Variants in HOMER2 observed in about 807,000 individuals in gnomAD.
HOMER2 encodes homer scaffold protein 2.
Under a neutral mutation model 47.0 loss-of-function variants are expected in HOMER2, and 27 were observed. The ratio of observed to expected loss-of-function variants is 0.57; its 90% CI spans 0.42 to 0.79. The LOEUF (loss-of-function observed/expected upper bound fraction) is 0.79. Ranked by LOEUF, HOMER2 falls within the 30% of genes least tolerant of loss-of-function variation. The pLI is 0.00. For synonymous variants in HOMER2, 161 were observed against 163.8 expected (o/e 0.98, Z 0.13); for missense variants, 443 against 435.0 (o/e 1.02, Z -0.16).
At chr15:82,947,058 A>T (rs772472889) in intron 1 of HOMER2, among the ~76,000 whole-genome samples, 3 of 152,254 alleles carry the variant, frequency 2.0e-5, no homozygotes, top group Non-Finnish European at 2.9e-5. Context: ...AAGGGCAGGA[A>T]CTAACTAGTG....
intron 1 of HOMER2, among the ~76,000 whole-genome samples, chr15:82,951,088 T>C (rs1447306741): frequency 6.6e-6 from 1 of 152,180 alleles, no homozygotes; most frequent in Non-Finnish European, 1.5e-5. Flanking sequence ...TGCTCAAAGA[T>C]CAGCCTTTTC....
chr15:82,980,094 A>G (rs2030341365), intron 1 of HOMER2, among the ~76,000 whole-genome samples: 2 of 152,132 alleles, frequency 1.3e-5, no homozygotes, highest in African/African-American at 4.8e-5. Flanking sequence ...TATTATATAT[A>G]TGTATGCATG....
At chr15:82,942,130 C>T (rs1439994058) in intron 1 of HOMER2, among the ~76,000 whole-genome samples, 1 of 152,224 alleles carries the variant, frequency 6.6e-6, no homozygotes, top group African/African-American at 2.4e-5. Context: ...AGGAAGCCTT[C>T]TCTAACTTCG....
intron 1 of HOMER2, among the ~76,000 whole-genome samples, chr15:82,967,036 T>C (rs576331520): frequency 3.1e-4 from 47 of 152,274 alleles, no homozygotes; most frequent in Non-Finnish European, 4.3e-4. Flanking sequence ...GGTGGGAGGA[T>C]TGCTCGAGTT....
chr15:82,975,278 C>T (rs1422489682), intron 1 of HOMER2, among the ~76,000 whole-genome samples: 1 of 152,134 alleles, frequency 6.6e-6, no homozygotes, highest in East Asian at 1.9e-4. Context: ...TAAATTAGTA[C>T]AACCACTATA....
intron 1 of HOMER2, among the ~76,000 whole-genome samples, chr15:82,926,980 C>A (rs1427890860): frequency 3.3e-5 from 5 of 152,190 alleles, no homozygotes; most frequent in Non-Finnish European, 5.9e-5. Flanking sequence ...GTTACAGCAG[C>A]ACAAAATGGA....
At chr15:82,920,552 C>T (rs2053702021) in intron 1 of HOMER2, among the ~76,000 whole-genome samples, 1 of 152,160 alleles carries the variant, frequency 6.6e-6, no homozygotes, top group African/African-American at 2.4e-5. Flanking sequence ...GGCTCATGGC[C>T]TCCTCCTCCA....
rs890279276 is a variant in HOMER2 at position 82,875,500 on chromosome 15, G to C, written c.163-96C>G. 3 of 1,303,364 alleles carry C rather than the reference G, an allele frequency of 2.3e-6. No homozygotes were observed. The African/African-American group carries it at 4.4e-5, about 19-fold the overall frequency. The allele number at this position is 1,303,364 out of a possible 1,614,324, so 80.7% of individuals were successfully genotyped here. A position where few individuals can be genotyped will look rare whatever the true frequency, so the allele number is the denominator to read the frequency against. On this transcript the variant is annotated intron_variant, in intron 2 of 8. Transcript: ENST00000450735. Reference sequence around the variant, plus strand: ...TCTATTGGCAAAGCCAGTGCTTCAAGCCTGTATCCTCTGCCCTGTTAAATT... The same window carrying C: ...TCTATTGGCAAAGCCAGTGCTTCAACCCTGTATCCTCTGCCCTGTTAAATT...
intron 1 of HOMER2, chr15:82,959,355 T>C (rs1314070435): frequency 1.3e-5 from 2 of 152,264 alleles, no homozygotes; most frequent in Non-Finnish European, 2.9e-5. Flanking sequence ...GGCCAAAACA[T>C]AACACTGCCC....
rs139619821 is a variant in HOMER2, at chr15:82,875,357, C to T, written c.210G>A (p.Thr70=). ...CGGCCCACTGCCCAAACTTCTGTGA[C>T]GTTTTGGTGAAGGTCATATTCGGTG... is the stretch of plus-strand genomic sequence containing the variant. ...TITPNMTFTK[T]SQKFGQWADS... is the part of the protein sequence containing the mutation. Residue 70 remains threonine (T), a synonymous_variant, in exon 3 of 9, where the codon ACG becomes ACA. Transcript: ENST00000450735. The T allele has an allele frequency of 9.9e-6, 16 of 1,613,950 alleles. No individual in the cohort carries two copies. Among genetic ancestry groups the T allele is most frequent in the Admixed American group, 5.0e-5 (3 of 60,022 alleles).
intron 2 of HOMER2, among the ~76,000 whole-genome samples, chr15:82,881,290 G>T (rs1248148508): frequency 6.6e-6 from 1 of 152,208 alleles, no homozygotes; most frequent in Non-Finnish European, 1.5e-5. Flanking sequence ...CCTGTCTCCA[G>T]TCTCACCTGC....
intron 8 of HOMER2, 147 bp downstream of exon 8, chr15:82,851,004 G>T: frequency 1.5e-6 from 1 of 647,600 alleles, no homozygotes; most frequent in Non-Finnish European, 2.7e-6. Context: ...GTGCCATCTG[G>T]CGTGCAGTCA....
exon 2 of HOMER2, chr15:82,842,417 C>T (rs963933855): frequency 1.3e-5 from 2 of 151,428 alleles, no homozygotes; most frequent in Non-Finnish European, 2.9e-5. Context: ...GCCTCAGCCT[C>T]CCAAGTAGCT....
chr15:82,853,802 CGGAGA>C (rs1472576152), intron 6 of HOMER2, among the ~76,000 whole-genome samples: 2 of 152,126 alleles, frequency 1.3e-5, no homozygotes, highest in African/African-American at 2.4e-5. Flanking sequence ...ATGTCAAGGT[CGGAGA>C]GTAGAGGGCG....
chr15:82,929,588 G>A (rs1235499557), intron 1 of HOMER2, among the ~76,000 whole-genome samples: 5 of 149,520 alleles, frequency 3.3e-5, no homozygotes, highest in Admixed American at 2.7e-4. Flanking sequence ...CCCAGGAGGC[G>A]GAGATTGCAG....
At chr15:82,906,117 G>C (rs2053279117) in intron 1 of HOMER2, among the ~76,000 whole-genome samples, 1 of 152,042 alleles carries the variant, frequency 6.6e-6, no homozygotes, top group East Asian at 1.9e-4. Context: ...AAGTGAGCTT[G>C]GATTCATTGT....
intron 1 of HOMER2, among the ~76,000 whole-genome samples, chr15:82,916,195 T>C (rs1008581905): frequency 1.5e-4 from 23 of 152,304 alleles, no homozygotes; most frequent in African/African-American, 5.5e-4. Flanking sequence ...TCCAAAAATA[T>C]TCAGCCAACA....
chr15:82,952,619 C>T lies in HOMER2; in HGVS notation c.-84G>A, dbSNP rs1022620277. Reference sequence around the variant, plus strand: ...CTCGGCAGCCGCTCCCCGCGCGGCACATGCGGCGGCCCGTGCGCGCCCGGC... The same window carrying T: ...CTCGGCAGCCGCTCCCCGCGCGGCATATGCGGCGGCCCGTGCGCGCCCGGC... On this transcript the variant is annotated 5_prime_UTR_variant, in exon 1 of 9. The change creates a new upstream start codon in the 5' untranslated region. Transcript: ENST00000450735. 16 of 1,064,924 alleles carry T rather than the reference C, an allele frequency of 1.5e-5. No homozygotes were observed. Among genetic ancestry groups the T allele is most frequent in the Non-Finnish European group, 1.8e-5 (16 of 882,886 alleles). The allele number at this position is 1,064,924 out of a possible 1,614,324, so 66.0% of individuals were successfully genotyped here.
chr15:82,899,086 C>T (rs2053031213), intron 1 of HOMER2, among the ~76,000 whole-genome samples: 1 of 152,194 alleles, frequency 6.6e-6, no homozygotes, highest in African/African-American at 2.4e-5. Flanking sequence ...TGGCTCTGTC[C>T]CCAACAGGAC....
Sources: allele counts gnomAD v4.1 joint callset (sites outside exome capture counted in the v4.1 genomes callset), GRCh38; gene constraint gnomAD v4.1.1; transcripts MANE v1.5; gene names NCBI Gene and HGNC (gene_info 2026-07-23, HGNC 2026-07-21).